Variants in COL5A3 observed in about 807,000 individuals in gnomAD.
COL5A3 encodes collagen alpha-3(V) chain.
A neutral mutation model predicts 250.0 loss-of-function variants in COL5A3; 172 were observed. The observed-to-expected ratio is 0.69, with a 90% confidence interval of 0.61 to 0.78. The LOEUF (loss-of-function observed/expected upper bound fraction) is 0.78. COL5A3 is among the 30% of genes least tolerant of loss of function. The pLI, the probability that COL5A3 is intolerant of heterozygous loss-of-function variation, is 0.00. For synonymous variants in COL5A3, 937 were observed against 900.4 expected (o/e 1.04, Z -0.73); for missense variants, 2,340 against 2,334.4 (o/e 1.00, Z -0.05).
chr19:10,010,246 G>C, intron 1 of COL5A3, 52 bp downstream of exon 1: 1 of 851,664 alleles, frequency 1.2e-6, no homozygotes, highest in South Asian at 3.1e-5. Context: ...CGCTCTTTTA[G>C]AGCCTCTCTG....
intron 5 of COL5A3, 143 bp from the exon 6 acceptor site, chr19:10,003,857 G>T: frequency 8.2e-7 from 1 of 1,219,876 alleles, no homozygotes; most frequent in Non-Finnish European, 1.2e-6. Context: ...CATGTAACCT[G>T]GGGTCAAGGG....
At position 9,977,441 on chromosome 19, in the gene COL5A3, T is replaced by C; in HGVS notation, c.3158A>G (p.Lys1053Arg). ...GERGPPGPTG[K>R]DGIPGPLGPL... is the part of the protein sequence containing the mutation. ...CCCCAGGGGCCCTGGGATCCCATCT[T>C]TGCCAGTGGGGCCAGGGGGGCCACG... The change falls in exon 43 of 67, where the codon AAA (lysine) becomes AGA (arginine). Residue 1053 changes from lysine to arginine, a missense_variant. By Grantham distance (26) the Lys-to-Arg change is conservative. This residue lies in a region of COL5A3 where 1,179 missense variants were observed against 1,162.6 expected (regional missense o/e 1.01). Coordinates refer to ENST00000264828, the MANE Select transcript of COL5A3 (RefSeq NM_015719.4). 2 of 1,522,436 alleles carry C rather than the reference T, an allele frequency of 1.3e-6. No homozygotes were observed. Among genetic ancestry groups the C allele is most frequent in the Non-Finnish European group, 1.8e-6 (2 of 1,137,034 alleles). The allele number at this position is 1,522,436 out of a possible 1,614,324, so 94.3% of individuals were successfully genotyped here.
At chr19:9,962,677 C>T in intron 65 of COL5A3, 142 bp downstream of exon 65, 1 of 612,038 alleles carries the variant, frequency 1.6e-6, no homozygotes. Flanking sequence ...GCTGCTGCCA[C>T]CCCACCTCCA....
intron 18 of COL5A3, 27 bp from the exon 19 acceptor site, chr19:9,993,460 G>C (rs1163801555): frequency 6.2e-7 from 1 of 1,613,240 alleles, no homozygotes; most frequent in Non-Finnish European, 8.5e-7. Context: ...GGGGAGTTCA[G>C]AGTGGAAGGG....
At chr19:9,990,491 G>A (rs745362898) in intron 24 of COL5A3, among the ~76,000 whole-genome samples, 18 of 151,820 alleles carry the variant, frequency 1.2e-4, no homozygotes, top group Middle Eastern at 7.0e-3. Context: ...ATTCTTATGC[G>A]CATGCCTGTA....
chr19:10,001,808 G>A lies in COL5A3; in HGVS notation c.923C>T (p.Thr308Ile). ...LPPTPTPLVV[T>I]STVTTGLNAT... ...ATTGAGTCCAGTAGTCACAGTGGAGGTGACGACCAAAGGCGTGGGGGTCGG... is the reference window on the plus strand; with the variant it reads ...ATTGAGTCCAGTAGTCACAGTGGAGATGACGACCAAAGGCGTGGGGGTCGG... The change falls in exon 7 of 67, where the codon ACC (threonine) becomes ATC (isoleucine). Residue 308 changes from threonine to isoleucine, a missense_variant. By Grantham distance (89) the Thr-to-Ile change is moderately conservative. Around this residue, in one of 3 missense-constraint regions of COL5A3, gnomAD observed 1,152 missense variants for 1,146.3 expected, o/e 1.00. Coordinates refer to ENST00000264828, the MANE Select transcript of COL5A3 (RefSeq NM_015719.4). 1 of 1,614,162 alleles carries A rather than the reference G, an allele frequency of 6.2e-7. No individual in the cohort carries two copies. Among genetic ancestry groups the A allele is most frequent in the East Asian group, 2.2e-5 (1 of 44,880 alleles).
chr19:9,998,374 G>C (rs1255235780), intron 8 of COL5A3, among the ~76,000 whole-genome samples: 4 of 152,170 alleles, frequency 2.6e-5, no homozygotes, highest in Non-Finnish European at 5.9e-5. Flanking sequence ...GTGAAATCCA[G>C]AGACTGCTGC....
chr19:9,969,530 A>T, intron 56 of COL5A3, 45 bp downstream of exon 56: 1 of 1,596,114 alleles, frequency 6.3e-7, no homozygotes, highest in Non-Finnish European at 8.6e-7. Flanking sequence ...GCAGACAGAG[A>T]GGAGCTGGAT....
intron 65 of COL5A3, 149 bp from the exon 66 acceptor site, chr19:9,961,039 C>T: frequency 1.1e-6 from 1 of 923,220 alleles, no homozygotes; most frequent in Middle Eastern, 3.4e-4. Flanking sequence ...CCTAGAGATC[C>T]CTGGCAGAAT....
intron 1 of COL5A3, 46 bp downstream of exon 1, chr19:10,010,252 C>T: frequency 1.6e-6 from 2 of 1,276,514 alleles, no homozygotes. Context: ...TTTAGAGCCT[C>T]TCTGAGTCGT....
intron 24 of COL5A3, 129 bp from the exon 25 acceptor site, chr19:9,989,651 T>A (rs1450049468): frequency 1.2e-6 from 1 of 835,034 alleles, no homozygotes; most frequent in Non-Finnish European, 1.8e-6. Context: ...AGGAAATCTA[T>A]CCCAGCTCTG....
In COL5A3 at chr19:9,974,176, A is replaced by T; in HGVS notation, c.3499T>A (p.Ser1167Thr). The T allele has an allele frequency of 1.2e-6, 2 of 1,613,716 alleles. No individual in the cohort carries two copies. Among genetic ancestry groups the T allele is most frequent in the Non-Finnish European group, 1.7e-6 (2 of 1,179,870 alleles). Reference protein sequence around the residue: ...GEKGEVGDVGSMGPHGAPGPR... With the variant: ...GEKGEVGDVGTMGPHGAPGPR... ...CTTCCTCTGGGAGTGCATACCATGG[A>T]CCCGACGTCTCCGACCTCCCCTTTC... is the stretch of plus-strand genomic sequence containing the variant. The change falls in exon 47 of 67, where the codon TCC (serine) becomes ACC (threonine). Residue 1167 changes from serine (S) to threonine (T), a missense_variant. Around this residue, in one of 3 missense-constraint regions of COL5A3, gnomAD observed 1,179 missense variants for 1,162.6 expected, o/e 1.01. Transcript: ENST00000264828.
intron 8 of COL5A3, among the ~76,000 whole-genome samples, chr19:10,001,150 C>T (rs772710269): frequency 2.0e-5 from 3 of 151,260 alleles, no homozygotes; most frequent in Non-Finnish European, 4.4e-5. Context: ...TTAAATTGTT[C>T]GGTTTTTTTT....
chr19:9,973,168 AG>A (rs1379621329), intron 50 of COL5A3, 142 bp from the exon 51 acceptor site: 11 of 687,418 alleles, frequency 1.6e-5, no homozygotes, highest in Non-Finnish European at 2.4e-5. Context: ...CAAGGGTCAA[AG>A]GTCAGAAGGA....
At position 9,968,244 on chromosome 19, in the gene COL5A3, C is replaced by T; in HGVS notation, c.4314+141G>A. ...ACCCCAGACGCAGCCTCCAACTTGC[C>T]AGTTCCCAGATACATCCCCCTATTT... On this transcript the variant is annotated intron_variant, in intron 59 of 66. Coordinates refer to ENST00000264828, the MANE Select transcript of COL5A3 (RefSeq NM_015719.4). This position sits in a 1 kb window ranked among gnomAD's most constrained non-coding sequence, Gnocchi z 4.1. 1 of 989,946 alleles carries T rather than the reference C, an allele frequency of 1.0e-6. No individual in the cohort carries two copies. The highest frequency in any genetic ancestry group is 1.5e-6 in the Non-Finnish European group (1 of 652,200). The allele number at this position is 989,946 out of a possible 1,614,324, so 61.3% of individuals were successfully genotyped here.
At chr19:9,986,951 T>C (rs1165219370) in intron 27 of COL5A3, among the ~76,000 whole-genome samples, 193 bp from the exon 28 acceptor site, 6 of 152,162 alleles carry the variant, frequency 3.9e-5, no homozygotes, top group African/African-American at 7.2e-5. Flanking sequence ...CAAGGTCATC[T>C]GTGCGGGGGT....
chr19:9,972,802 C>T (rs1158778843), intron 51 of COL5A3, 117 bp downstream of exon 51: 1 of 680,954 alleles, frequency 1.5e-6, no homozygotes, highest in Non-Finnish European at 2.4e-6. Flanking sequence ...TGCCACTGCA[C>T]TCCAGCCTGG....
intron 45 of COL5A3, 145 bp from the exon 46 acceptor site, chr19:9,974,553 GT>G: frequency 1.7e-6 from 1 of 585,762 alleles, no homozygotes; most frequent in Non-Finnish European, 2.9e-6. Context: ...TGGAGTTGGG[GT>G]CTAGGTTAAG....
chr19:9,993,352 C>A (rs941532875), intron 19 of COL5A3, 28 bp downstream of exon 19: 2 of 1,612,940 alleles, frequency 1.2e-6, no homozygotes, highest in South Asian at 1.1e-5. Context: ...ACTTTCCAAA[C>A]CAGGCCCTAA....
Sources: allele counts gnomAD v4.1 joint callset (sites outside exome capture counted in the v4.1 genomes callset), GRCh38; gene constraint gnomAD v4.1.1; regional missense constraint gnomAD v4.1.1; non-coding constraint Gnocchi (gnomAD v3.1); transcripts MANE v1.5; gene names NCBI Gene and HGNC (gene_info 2026-07-23, HGNC 2026-07-21).